BCL11A: variants seen among roughly 807,000 people sequenced by gnomAD.
The protein encoded by BCL11A is BCL11 transcription factor A.
A neutral mutation model predicts 55.9 loss-of-function variants in BCL11A; 2 were observed. The ratio of observed to expected loss-of-function variants is 0.04; its 90% confidence interval spans 0.01 to 0.11. The LOEUF is 0.11. Among genes scored for constraint, BCL11A ranks in the 10% least tolerant of loss-of-function variants. The pLI, the probability that BCL11A is intolerant of heterozygous loss-of-function variation, is 1.00. For missense variants in BCL11A, 817 were observed against 1,137.1 expected (o/e 0.72, Z 4.05); for synonymous variants, 465 against 473.4 (o/e 0.98, Z 0.23).
Position 60,546,258 on chromosome 2 carries a change from T to C in BCL11A, c.98A>G (p.His33Arg), listed in dbSNP as rs1189449050. The stretch of plus-strand genomic sequence containing the variant: ...CCCTTCTGGAGCTCCCAACGGGCCG[T>C]GGTCTGGTTCATCATCTGTAAGAAT... ...EAILTDDEPDHGPLGAPEGDH... is the reference protein window; with the variant it reads ...EAILTDDEPDRGPLGAPEGDH... Residue 33 changes from histidine to arginine, a missense_variant, in exon 2 of 4, where the codon CAC (histidine) becomes CGC (arginine). By Grantham distance (29) the His-to-Arg change is conservative. This residue lies in a region of BCL11A where 363 missense variants were observed against 486.6 expected (regional missense o/e 0.75). Transcript: ENST00000642384. The surrounding 1 kb of genome is among the most constrained non-coding windows in gnomAD (Gnocchi z 4.1). 3.7e-6 allele frequency: 6 copies of C among 1,614,166 alleles called. No homozygotes were observed. The highest frequency in any genetic ancestry group is 1.7e-6 in the Non-Finnish European group (2 of 1,180,016).
chr2:60,489,836 C>G (rs71526490), intron 2 of BCL11A, among the ~76,000 whole-genome samples: 1 of 152,140 alleles, frequency 6.6e-6, no homozygotes, highest in Non-Finnish European at 1.5e-5. Context: ...AGCAGGAGGA[C>G]ACTATTAAAG....
chr2:60,501,030 C>T (rs530939471), intron 2 of BCL11A, among the ~76,000 whole-genome samples: 1 of 152,310 alleles, frequency 6.6e-6, no homozygotes, highest in African/African-American at 2.4e-5. Context: ...ACTGCTCAGC[C>T]GACCTCATGG....
chr2:60,477,062 C>T (rs145075062), intron 2 of BCL11A, among the ~76,000 whole-genome samples: 1 of 152,216 alleles, frequency 6.6e-6, no homozygotes, highest in East Asian at 1.9e-4. Context: ...CTGCCCCACT[C>T]GAGAAATGAA....
In BCL11A at chr2:60,546,330, T is replaced by A; in HGVS notation, c.56-30A>T. ...GGTTGGAGAAACAAAAGCACAATTA[T>A]TAGAGTGCCAGAGAGGACAGAAAGG... is the stretch of plus-strand genomic sequence containing the variant. On this transcript the variant is annotated intron_variant, in intron 1 of 3. Transcript: ENST00000642384. This position sits in a 1 kb window ranked among gnomAD's most constrained non-coding sequence, Gnocchi z 4.1. 1 of 1,593,186 alleles carries A rather than the reference T, an allele frequency of 6.3e-7. No homozygotes were observed. Among genetic ancestry groups the A allele is most frequent in the Middle Eastern group, 1.8e-4 (1 of 5,584 alleles).
At chr2:60,538,739 C>CTCTCTCTGTGTG (rs1436371909) in intron 2 of BCL11A, among the ~76,000 whole-genome samples, 1 of 67,432 alleles carries the variant, frequency 1.5e-5, no homozygotes, top group African/African-American at 4.3e-5. Flanking sequence ...CTCTCTCTCT[C>CTCTCTCTGTGTG]TGTGTGTGTG....
At chr2:60,523,664 TC>T (rs1158073379) in intron 2 of BCL11A, among the ~76,000 whole-genome samples, 3 of 151,582 alleles carry the variant, frequency 2.0e-5, no homozygotes, top group Non-Finnish European at 4.4e-5. Flanking sequence ...TTTTTTTTTT[TC>T]AAAAAGAGTT....
At chr2:60,503,570 A>G (rs1229625261) in intron 2 of BCL11A, among the ~76,000 whole-genome samples, 2 of 152,192 alleles carry the variant, frequency 1.3e-5, no homozygotes, top group Non-Finnish European at 2.9e-5. Context: ...CTGAGTGCAG[A>G]CCAAGCTCCC....
chr2:60,462,706 C>T (rs1453211969), intron 3 of BCL11A, among the ~76,000 whole-genome samples: 5 of 152,224 alleles, frequency 3.3e-5, no homozygotes, highest in Admixed American at 2.0e-4. Flanking sequence ...ATGAAGGTCC[C>T]TACATTCTAG....
At chr2:60,534,882 A>C (rs942908176) in intron 2 of BCL11A, 4 of 152,244 alleles carry the variant, frequency 2.6e-5, no homozygotes, top group African/African-American at 9.6e-5. Context: ...AAATATGTCA[A>C]ATCTCTTGGT....
chr2:60,464,132 G>A (rs778773237), intron 3 of BCL11A, among the ~76,000 whole-genome samples: 16 of 152,050 alleles, frequency 1.1e-4, no homozygotes, highest in Non-Finnish European at 1.9e-4. Context: ...ACTTTACAAC[G>A]CATTTATAAT....
At chr2:60,507,209 A>T in intron 2 of BCL11A, among the ~76,000 whole-genome samples, 1 of 67,636 alleles carries the variant, frequency 1.5e-5, no homozygotes, top group Non-Finnish European at 2.7e-5. Flanking sequence ...CAAGGAAGAA[A>T]GGAAGGAAGG....
chr2:60,497,281 G>C (rs973637043), intron 2 of BCL11A, among the ~76,000 whole-genome samples: 1 of 152,236 alleles, frequency 6.6e-6, no homozygotes, highest in Non-Finnish European at 1.5e-5. Context: ...CTTTTGTAAA[G>C]AGGGGGGAAA....
intron 2 of BCL11A, among the ~76,000 whole-genome samples, chr2:60,504,478 A>T (rs1363439180): frequency 6.6e-6 from 1 of 152,222 alleles, no homozygotes; most frequent in East Asian, 1.9e-4. Context: ...TCAACCTCTG[A>T]CTACTTCTGG....
chr2:60,477,608 G>T (rs55990324), intron 2 of BCL11A, among the ~76,000 whole-genome samples: 11,307 of 137,580 alleles, frequency 0.082, 558 homozygotes, highest in Non-Finnish European at 0.12. Context: ...AATAAATAAA[G>T]AAAGAAAGAA....
downstream of BCL11A, among the ~76,000 whole-genome samples, chr2:60,454,144 G>A (rs1021207223): frequency 4.6e-5 from 7 of 152,084 alleles, no homozygotes; most frequent in African/African-American, 1.4e-4. Flanking sequence ...ATGGGATAAC[G>A]AGATGCCAGC....
intron 2 of BCL11A, among the ~76,000 whole-genome samples, chr2:60,486,060 C>T (rs1052859830): frequency 2.0e-5 from 3 of 152,154 alleles, no homozygotes; most frequent in Non-Finnish European, 4.4e-5. Flanking sequence ...TCCATATCTA[C>T]CCAAAATCTC....
chr2:60,472,012 A>G (rs187672628), intron 2 of BCL11A, among the ~76,000 whole-genome samples: 2 of 152,160 alleles, frequency 1.3e-5, no homozygotes, highest in East Asian at 3.9e-4. Context: ...CTGGGCAGAG[A>G]CCCATGGGCC....
intron 2 of BCL11A, chr2:60,541,728 T>C: frequency 3.8e-6 from 2 of 519,818 alleles, no homozygotes; most frequent in South Asian, 6.1e-5. Context: ...CACCAGTATA[T>C]TGTTTTTTGT....
intron 2 of BCL11A, among the ~76,000 whole-genome samples, chr2:60,510,329 C>T (rs1679910588): frequency 6.6e-6 from 1 of 152,168 alleles, no homozygotes; most frequent in Non-Finnish European, 1.5e-5. Flanking sequence ...GCCCCTTGCT[C>T]CTCCTCCAGT....
Sources: gnomAD v4.1 joint callset for allele counts (sites outside exome capture counted in the v4.1 genomes callset) on GRCh38, gnomAD v4.1.1 for gene constraint, gnomAD v4.1.1 regional missense constraint, Gnocchi (gnomAD v3.1) non-coding constraint, MANE v1.5 for transcripts, NCBI Gene and HGNC (gene_info 2026-07-23, HGNC 2026-07-21) for gene names.